Variants in DAOA observed in about 807,000 individuals in gnomAD.
The protein encoded by DAOA is D-amino acid oxidase regulator.
In DAOA, 15 loss-of-function variants were observed where a neutral mutation model predicts 16.4. The ratio of observed to expected loss-of-function variants is 0.91; its 90% confidence interval spans 0.61 to 1.41. The LOEUF is 1.41. Among genes scored for constraint, DAOA ranks in the 40% most tolerant of loss-of-function variants. The probability of loss-of-function intolerance (pLI) is 0.00; values close to 1 mark genes in which losing one functional copy is unlikely to be tolerated. For missense variants in DAOA, 230 were observed against 176.8 expected (o/e 1.30, Z -1.71); for synonymous variants, 75 against 59.1 (o/e 1.27, Z -1.23).
chr13:105,490,860 A>T (rs945408108), intron 5 of DAOA, 52 bp from the exon 6 acceptor site: 1 of 151,620 alleles, frequency 6.6e-6, no homozygotes, highest in Non-Finnish European at 1.5e-5. Flanking sequence ...ACTTTCTATT[A>T]AAAATTAAAA....
At chr13:105,483,580 T>C (rs1357332311) in intron 4 of DAOA, among the ~76,000 whole-genome samples, 1 of 152,202 alleles carries the variant, frequency 6.6e-6, no homozygotes, top group African/African-American at 2.4e-5. Context: ...CTTGTTATGC[T>C]TTCATTTGCA....
chr13:105,469,143 A>G (rs1443200825), intron 3 of DAOA, among the ~76,000 whole-genome samples: 2 of 152,178 alleles, frequency 1.3e-5, no homozygotes, highest in Non-Finnish European at 1.5e-5. Flanking sequence ...TAGATAGTTA[A>G]GTACCATACC....
intron 4 of DAOA, chr13:105,474,886 A>C: frequency 2.1e-6 from 1 of 465,954 alleles, no homozygotes; most frequent in Non-Finnish European, 2.8e-6. Context: ...TGACTTTTAA[A>C]AAGTAAAAGA....
At chr13:105,469,603 C>T (rs1053501972) in intron 3 of DAOA, among the ~76,000 whole-genome samples, 5 of 152,194 alleles carry the variant, frequency 3.3e-5, no homozygotes, top group African/African-American at 1.2e-4. Flanking sequence ...TGAGAGTTTA[C>T]AGATTTTACA....
At chr13:105,471,362 A>C (rs964463819) in intron 3 of DAOA, among the ~76,000 whole-genome samples, 1 of 152,156 alleles carries the variant, frequency 6.6e-6, no homozygotes, top group Non-Finnish European at 1.5e-5. Context: ...AAATGGTATA[A>C]AATTTGGACT....
chr13:105,481,866 GT>G (rs1877770365), intron 4 of DAOA, among the ~76,000 whole-genome samples: 1 of 152,076 alleles, frequency 6.6e-6, no homozygotes, highest in Non-Finnish European at 1.5e-5. Context: ...AACATTTAAT[GT>G]TTTTTATACT....
intron 4 of DAOA, among the ~76,000 whole-genome samples, chr13:105,479,868 G>T (rs1292801845): frequency 6.6e-6 from 1 of 152,072 alleles, no homozygotes; most frequent in South Asian, 2.1e-4. Context: ...AGAAGAAGGG[G>T]CATAGGACAA....
chr13:105,488,325 GAT>G (rs1878272634), intron 4 of DAOA, among the ~76,000 whole-genome samples: 2 of 152,112 alleles, frequency 1.3e-5, no homozygotes, highest in Non-Finnish European at 2.9e-5. Context: ...TTTATGAAAA[GAT>G]AACTCAAAAG....
Position 105,466,324 on chromosome 13 carries a change from G to C in DAOA, c.36G>C (p.Gln12His), listed in dbSNP as rs1876509594. ...AGCTGATGGGTGCTGATTCTCTCCAGCTTTTCAGGTAGGTAGCTTGGGGTT... is the reference window on the plus strand; with the variant it reads ...AGCTGATGGGTGCTGATTCTCTCCACCTTTTCAGGTAGGTAGCTTGGGGTT... ...LEKLMGADSL[Q>H]LFRSRYTLGK... The change falls in exon 2 of 6, where the codon CAG becomes CAC. Residue 12 changes from glutamine to histidine, a missense_variant. Coordinates refer to ENST00000375936, the MANE Select transcript of DAOA (RefSeq NM_172370.5). 1 of 1,614,070 alleles carries C rather than the reference G, an allele frequency of 6.2e-7. No individual in the cohort carries two copies. Among genetic ancestry groups the C allele is most frequent in the Admixed American group, 1.7e-5 (1 of 60,010 alleles).
chr13:105,484,396 T>C (rs1482776355), intron 4 of DAOA, among the ~76,000 whole-genome samples: 2 of 152,158 alleles, frequency 1.3e-5, no homozygotes, highest in South Asian at 4.1e-4. Flanking sequence ...AGGGAAGCTA[T>C]AGATGAATTT....
chr13:105,481,552 C>G (rs1594114955), intron 4 of DAOA, among the ~76,000 whole-genome samples: 1 of 152,074 alleles, frequency 6.6e-6, no homozygotes, highest in African/African-American at 2.4e-5. Context: ...CTGCCAAGAT[C>G]AAAGAGAAAA....
chr13:105,479,369 A>C (rs575344899), intron 4 of DAOA, among the ~76,000 whole-genome samples: 1 of 152,306 alleles, frequency 6.6e-6, no homozygotes, highest in African/African-American at 2.4e-5. Context: ...GCTTTGTATT[A>C]GCTTTTTAGG....
chr13:105,485,001 C>A (rs117974056), intron 4 of DAOA, among the ~76,000 whole-genome samples: 6 of 152,056 alleles, frequency 3.9e-5, no homozygotes, highest in Non-Finnish European at 5.9e-5. Flanking sequence ...TGTTTCTTGA[C>A]GGTTTGTTTT....
intron 4 of DAOA, among the ~76,000 whole-genome samples, chr13:105,473,712 G>T (rs1594108233): frequency 6.6e-6 from 1 of 152,064 alleles, no homozygotes; most frequent in South Asian, 2.1e-4. Context: ...TAGTCCTACT[G>T]ATGAGCTATA....
At chr13:105,472,947 T>A (rs1877076509) in intron 4 of DAOA, among the ~76,000 whole-genome samples, 1 of 152,172 alleles carries the variant, frequency 6.6e-6, no homozygotes, top group South Asian at 2.1e-4. Flanking sequence ...GAAAGTTTGT[T>A]AAATTTTCAG....
chr13:105,470,100 C>A (rs1876823688), intron 3 of DAOA, among the ~76,000 whole-genome samples: 1 of 144,922 alleles, frequency 6.9e-6, no homozygotes, highest in Non-Finnish European at 1.5e-5. Context: ...CTGGATTAAT[C>A]ATCTTGCTCA....
chr13:105,470,773 C>A (rs1357338883), intron 3 of DAOA, among the ~76,000 whole-genome samples: 1 of 147,084 alleles, frequency 6.8e-6, no homozygotes. Context: ...CCACAACTAG[C>A]TAATTTGTTT....
intron 4 of DAOA, among the ~76,000 whole-genome samples, chr13:105,479,002 C>T (rs767191946): frequency 2.3e-4 from 35 of 152,180 alleles, no homozygotes; most frequent in Non-Finnish European, 3.7e-4. Flanking sequence ...TCCATTCATT[C>T]AACAACTATT....
intron 4 of DAOA, among the ~76,000 whole-genome samples, chr13:105,473,226 A>G (rs1877108942): frequency 6.6e-6 from 1 of 151,976 alleles, no homozygotes; most frequent in African/African-American, 2.4e-5. Context: ...ACTGTTTCCC[A>G]GATTATTTTC....
Sources: gnomAD v4.1 joint callset for allele counts (sites outside exome capture counted in the v4.1 genomes callset) on GRCh38, gnomAD v4.1.1 for gene constraint, MANE v1.5 for transcripts, NCBI Gene and HGNC (gene_info 2026-07-23, HGNC 2026-07-21) for gene names.